The following ZBTB20 variants were observed in gnomAD, a reference collection of about 807,000 sequenced individuals.
ZBTB20 encodes the protein zinc finger and BTB domain-containing protein 20.
Under a neutral mutation model 56.9 loss-of-function variants are expected in ZBTB20, and 9 were observed. The ratio of observed to expected loss-of-function variants is 0.16; its 90% CI spans 0.10 to 0.28. The LOEUF is 0.28. ZBTB20 is among the 10% of genes least tolerant of loss of function. The probability of loss-of-function intolerance (pLI) is 1.00; values close to 1 mark genes in which losing one functional copy is unlikely to be tolerated. For missense variants in ZBTB20, 655 were observed against 1,003.0 expected (o/e 0.65, Z 4.69); for synonymous variants, 417 against 420.7 (o/e 0.99, Z 0.11).
At chr3:114,544,454 TTTCTTTCTTTCTTTC>T (rs1238316891) in intron 6 of ZBTB20, among the ~76,000 whole-genome samples, 12 of 124,474 alleles carry the variant, frequency 9.6e-5, no homozygotes, top group Non-Finnish European at 1.6e-4. Flanking sequence ...TCTTTCTTTC[TTTCTTTCTTTCTTTC>T]TTTCTTTCTT....
intron 10 of ZBTB20, chr3:114,357,226 T>C (rs1450901240): frequency 6.6e-6 from 1 of 152,166 alleles, no homozygotes; most frequent in African/African-American, 2.4e-5. Context: ...TTTTAGCCAT[T>C]GGTAACAGAA....
intron 4 of ZBTB20, among the ~76,000 whole-genome samples, chr3:114,842,906 A>G (rs755527063): frequency 1.4e-4 from 21 of 152,282 alleles, no homozygotes; most frequent in Non-Finnish European, 2.2e-4. Flanking sequence ...ACCAAATCTT[A>G]CCTTGAATTG....
rs571816474 is a variant in ZBTB20, at chr3:114,325,080, C to A, written c.*13925G>T. 6.6e-6 allele frequency: 1 copy of A among 152,100 alleles called. No individual in the cohort carries two copies. The highest frequency in any genetic ancestry group is 2.4e-5 in the African/African-American group (1 of 41,406). 9.4% of individuals were successfully genotyped at this position (152,100 alleles called of 1,614,324 possible). A position where few individuals can be genotyped will look rare whatever the true frequency, so the allele number is the denominator to read the frequency against. On this transcript the variant is annotated 3_prime_UTR_variant, in exon 12 of 12. Coordinates refer to ENST00000675478, the MANE Select transcript of ZBTB20 (RefSeq NM_001348800.3). Reference sequence around the variant, plus strand: ...TGCCATGATGAAGATTACTAAGACACCCTGCTTTCATCTACTCTGAAAACC... The same window carrying A: ...TGCCATGATGAAGATTACTAAGACAACCTGCTTTCATCTACTCTGAAAACC...
intron 7 of ZBTB20, among the ~76,000 whole-genome samples, chr3:114,474,129 C>T (rs553640718): frequency 1.3e-5 from 2 of 152,166 alleles, no homozygotes; most frequent in Non-Finnish European, 2.9e-5. Flanking sequence ...AAAGACAAGC[C>T]CCCTGATTCA....
intron 6 of ZBTB20, among the ~76,000 whole-genome samples, chr3:114,534,745 T>C (rs1435558561): frequency 6.6e-6 from 1 of 152,040 alleles, no homozygotes; most frequent in African/African-American, 2.4e-5. Context: ...TGGAAGCAAA[T>C]CACTCCTCAG....
chr3:114,922,835 TC>T (rs1236760126), intron 3 of ZBTB20, among the ~76,000 whole-genome samples: 22 of 104,626 alleles, frequency 2.1e-4, no homozygotes, highest in African/African-American at 7.4e-4. Flanking sequence ...CATCAAGACA[TC>T]AAGAAGGACA....
intron 7 of ZBTB20, among the ~76,000 whole-genome samples, chr3:114,434,456 T>A (rs2090357855): frequency 6.6e-6 from 1 of 152,012 alleles, no homozygotes; most frequent in African/African-American, 2.4e-5. Flanking sequence ...GTCTGGGTTC[T>A]TCCTACAGAA....
chr3:114,972,434 A>C (rs1318194802), intron 3 of ZBTB20, among the ~76,000 whole-genome samples: 1 of 152,172 alleles, frequency 6.6e-6, no homozygotes, highest in Non-Finnish European at 1.5e-5. Context: ...ATTTAATCAA[A>C]TATTTTATTC....
rs1027229274 is a variant in ZBTB20 at position 114,710,936 on chromosome 3, T to C, written c.-342-17361A>G. 8.6e-4 allele frequency among the ~76,000 whole-genome samples: 131 copies of C among 152,306 alleles called. 1 individual carries two copies. The highest frequency in any genetic ancestry group is 3.0e-3 in the African/African-American group (123 of 41,560). On this transcript the variant is annotated intron_variant, in intron 5 of 11. Transcript: ENST00000675478. Reference sequence around the variant, plus strand: ...ACTTGAGCCACACATTTCTTCTTGCTCTTCCTGGAAAATTTCAAGTTGTTC... The same window carrying C: ...ACTTGAGCCACACATTTCTTCTTGCCCTTCCTGGAAAATTTCAAGTTGTTC...
intron 6 of ZBTB20, among the ~76,000 whole-genome samples, chr3:114,677,969 T>C (rs904792113): frequency 6.6e-6 from 1 of 152,202 alleles, no homozygotes; most frequent in African/African-American, 2.4e-5. Context: ...TTTAATTATA[T>C]TTACTCTTCA....
intron 3 of ZBTB20, chr3:114,900,770 T>C (rs974923840): frequency 1.3e-5 from 2 of 152,086 alleles, no homozygotes; most frequent in South Asian, 2.1e-4. Flanking sequence ...TAGAATGTTG[T>C]TAAGGAAGAA....
At chr3:114,516,209 C>G (rs879364793) in intron 6 of ZBTB20, among the ~76,000 whole-genome samples, 1 of 152,044 alleles carries the variant, frequency 6.6e-6, no homozygotes, top group Admixed American at 6.6e-5. Flanking sequence ...AAATGAAGCC[C>G]AACCCCCAAG....
At chr3:114,430,116 T>C (rs1299420167) in intron 7 of ZBTB20, among the ~76,000 whole-genome samples, 1 of 152,230 alleles carries the variant, frequency 6.6e-6, no homozygotes, top group Non-Finnish European at 1.5e-5. Context: ...TTAGTTTAAG[T>C]AATCTGGTTA....
chr3:114,749,531 C>T lies in ZBTB20; in HGVS notation c.-343+51570G>A, dbSNP rs575255673. 3.7e-4 allele frequency among the ~76,000 whole-genome samples: 55 copies of T among 148,988 alleles called. No individual in the cohort carries two copies. The South Asian group carries it at 8.9e-3, about 24-fold the overall frequency. On this transcript the variant is annotated intron_variant, in intron 5 of 11. Transcript: ENST00000675478. ...TCGCACCATTGCACTCCAACCCAGG[C>T]AACAGTCCGTGACTCCATCAAAGAA...
intron 6 of ZBTB20, among the ~76,000 whole-genome samples, chr3:114,646,893 C>T (rs2059870965): frequency 1.3e-5 from 2 of 152,130 alleles, no homozygotes; most frequent in South Asian, 4.1e-4. Context: ...GAATTCAGGG[C>T]TAGAGTTGCT....
intron 6 of ZBTB20, among the ~76,000 whole-genome samples, chr3:114,579,345 C>T (rs76616515): frequency 0.12 from 18,541 of 151,318 alleles, 1,584 homozygotes; most frequent in African/African-American, 0.24. Context: ...ACCTCAAGGG[C>T]TAAAAATAAA....
chr3:114,949,514 T>A lies in ZBTB20; in HGVS notation c.-456+24852A>T, dbSNP rs956382846. On this transcript the variant is annotated intron_variant, in intron 3 of 11. Coordinates refer to ENST00000675478, the MANE Select transcript of ZBTB20 (RefSeq NM_001348800.3). ...CAGGCGCGGCGGCTCATGCCTGTAA[T>A]CCCAGCACTTTGGGAGGCCAAGGTG... Among the ~76,000 whole-genome samples the A allele has an allele frequency of 2.0e-5, 3 of 146,358 alleles. No individual in the cohort carries two copies. The East Asian group carries it at 5.8e-4, about 28-fold the overall frequency.
At chr3:114,923,041 A>G (rs985094347) in intron 3 of ZBTB20, among the ~76,000 whole-genome samples, 4 of 152,246 alleles carry the variant, frequency 2.6e-5, no homozygotes, top group African/African-American at 7.2e-5. Flanking sequence ...AAGAATTGGT[A>G]CACTGAAAAC....
intron 3 of ZBTB20, among the ~76,000 whole-genome samples, chr3:114,933,622 T>C (rs1164241120): frequency 2.0e-5 from 3 of 151,754 alleles, no homozygotes; most frequent in Admixed American, 1.3e-4. Context: ...AGCGTCAACA[T>C]AGGTGAAAAC....
Sources: gnomAD v4.1 joint callset for allele counts (sites outside exome capture counted in the v4.1 genomes callset) on GRCh38, gnomAD v4.1.1 for gene constraint, MANE v1.5 for transcripts, NCBI Gene and HGNC (gene_info 2026-07-23, HGNC 2026-07-21) for gene names.